NIPAL2: variants seen among roughly 807,000 people sequenced by gnomAD.
The protein encoded by NIPAL2 is NIPA like domain containing 2.
Under a neutral mutation model 48.9 loss-of-function variants are expected in NIPAL2, and 43 were observed. The ratio of observed to expected loss-of-function variants is 0.88; its 90% confidence interval spans 0.69 to 1.13. The LOEUF is 1.13. NIPAL2 is among the 50% of genes most tolerant of loss of function. NIPAL2 has a pLI of 0.00. For synonymous variants in NIPAL2, 167 were observed against 174.6 expected, an observed-to-expected ratio of 0.96 and a Z score of 0.34; for missense variants, 446 against 461.4, an observed-to-expected ratio of 0.97 and a Z score of 0.31.
intron 3 of NIPAL2, among the ~76,000 whole-genome samples, chr8:98,249,340 CAG>C (rs1275311384): frequency 6.6e-6 from 1 of 151,958 alleles, no homozygotes; most frequent in African/African-American, 2.4e-5. Flanking sequence ...GCAGGACACA[CAG>C]AGAGAGGGAA....
intron 1 of NIPAL2, among the ~76,000 whole-genome samples, chr8:98,276,751 C>A (rs1478333946): frequency 2.0e-5 from 3 of 151,082 alleles, no homozygotes; most frequent in Non-Finnish European, 4.4e-5. Context: ...TTACCCATTT[C>A]TTTCTTTCTT....
chr8:98,217,353 C>T (rs1811629948), intron 5 of NIPAL2: 32 of 286,268 alleles, frequency 1.1e-4, no homozygotes, highest in Non-Finnish European at 1.4e-4. Flanking sequence ...TATTATGATT[C>T]CTTTTGTGAG....
intron 1 of NIPAL2, among the ~76,000 whole-genome samples, chr8:98,279,280 A>C (rs1270183815): frequency 6.6e-6 from 1 of 152,204 alleles, no homozygotes; most frequent in Non-Finnish European, 1.5e-5. Context: ...CCATTACTAA[A>C]TACTGCTTCC....
intron 1 of NIPAL2, among the ~76,000 whole-genome samples, chr8:98,280,792 A>AGAGAGAGAGAGAGAGAGAGAGAGAG (rs1815783724): frequency 1.4e-5 from 2 of 139,478 alleles, no homozygotes; most frequent in South Asian, 2.3e-4. Flanking sequence ...AGAGAGAGAG[A>AGAGAGAGAGAGAGAGAGAGAGAGAG]AAGCGAGAGA....
chr8:98,198,027 A>T (rs1810628077), intron 8 of NIPAL2, among the ~76,000 whole-genome samples: 1 of 152,266 alleles, frequency 6.6e-6, no homozygotes, highest in South Asian at 2.1e-4. Context: ...AATCGGCAGA[A>T]TCATTATCTA....
intron 1 of NIPAL2, among the ~76,000 whole-genome samples, chr8:98,289,642 T>G (rs575398656): frequency 6.6e-6 from 1 of 152,090 alleles, no homozygotes; most frequent in Non-Finnish European, 1.5e-5. Context: ...CGAGCTACCA[T>G]GCTTGGCTTC....
At chr8:98,232,881 C>T (rs1275151195) in intron 4 of NIPAL2, among the ~76,000 whole-genome samples, 1 of 152,208 alleles carries the variant, frequency 6.6e-6, no homozygotes, top group Non-Finnish European at 1.5e-5. Context: ...ATTGTTCCTA[C>T]ATTCAAATGA....
intron 1 of NIPAL2, among the ~76,000 whole-genome samples, chr8:98,291,459 C>T (rs1352838978): frequency 6.6e-6 from 1 of 152,164 alleles, no homozygotes; most frequent in Non-Finnish European, 1.5e-5. Flanking sequence ...GCCAAATGCC[C>T]CTTTGCTCTG....
chr8:98,236,023 T>G, intron 4 of NIPAL2, 132 bp downstream of exon 4: 1 of 610,124 alleles, frequency 1.6e-6, no homozygotes, highest in South Asian at 1.9e-5. Context: ...GAATAATGCC[T>G]GACTCTAAAT....
At position 98,194,798 on chromosome 8, in the gene NIPAL2, T is replaced by C. The variant is rs763640709; in HGVS notation, c.969A>G (p.Val323=). 3.2e-6 allele frequency: 5 copies of C among 1,569,970 alleles called. No individual in the cohort carries two copies. In the South Asian group the frequency reaches 6.1e-5, roughly 19 times the overall value. ...TTTCTCGATTTCTTGTGACCAAAAA[T>C]ACACCAAGGAATGACAGAAAACACC... The part of the protein sequence containing the change: ...LFGCFLSFLG[V]FLVTRNREKE... Residue 323 remains valine (V), a synonymous_variant, in exon 10 of 11, where the codon GTA becomes GTG. Coordinates refer to ENST00000430223, the MANE Select transcript of NIPAL2 (RefSeq NM_001321635.2).
chr8:98,239,708 G>C (rs1174185977), intron 3 of NIPAL2, among the ~76,000 whole-genome samples: 2 of 151,878 alleles, frequency 1.3e-5, no homozygotes, highest in South Asian at 2.1e-4. Context: ...TTAGGTAATA[G>C]AACAAGATTT....
At chr8:98,230,209 G>A (rs1187704371) in intron 4 of NIPAL2, among the ~76,000 whole-genome samples, 1 of 152,192 alleles carries the variant, frequency 6.6e-6, no homozygotes, top group Non-Finnish European at 1.5e-5. Flanking sequence ...GCACCCCTAG[G>A]AGCTGTACAG....
intron 1 of NIPAL2, among the ~76,000 whole-genome samples, chr8:98,291,085 T>C (rs1816465600): frequency 6.6e-6 from 1 of 152,164 alleles, no homozygotes; most frequent in Admixed American, 6.5e-5. Context: ...TTTAATTTGC[T>C]TTGATTCCTG....
chr8:98,216,110 C>T (rs1157480236), intron 5 of NIPAL2, among the ~76,000 whole-genome samples: 1 of 152,198 alleles, frequency 6.6e-6, no homozygotes. Context: ...AACAAATGAG[C>T]TCTGCAAAGG....
chr8:98,259,032 ATCAAGACAGCATTATGCTGCTGT>A (rs1814092544), intron 1 of NIPAL2, among the ~76,000 whole-genome samples: 1 of 150,494 alleles, frequency 6.6e-6, no homozygotes, highest in South Asian at 2.1e-4. Context: ...ATAATTTTTC[ATCAAGACAGCATTATGCTGCTGT>A]TCCTTTAAAT....
Position 98,294,056 on chromosome 8 carries a change from C to T in NIPAL2, c.82G>A (p.Ala28Thr), listed in dbSNP as rs1366115579. 1.3e-6 allele frequency: 2 copies of T among 1,501,044 alleles called. No individual in the cohort carries two copies. The highest frequency in any genetic ancestry group is 1.8e-6 in the Non-Finnish European group (2 of 1,125,742). The allele number at this position is 1,501,044 out of a possible 1,614,324, so 93.0% of individuals were successfully genotyped here. A position where few individuals can be genotyped will look rare whatever the true frequency, so the allele number is the denominator to read the frequency against. ...DELSLNFTYG[A>T]PGAGNGSLSG... ...AGGGAGCCGTTGCCGGCGCCTGGTG[C>T]CCCGTACGTGAAATTCAGTGACAGC... The change falls in exon 1 of 11, where the codon GCA (alanine) becomes ACA (threonine). Residue 28 changes from alanine to threonine, a missense_variant. Physicochemically the swap from Ala to Thr is moderately conservative, Grantham distance 58. Transcript: ENST00000430223.
At chr8:98,221,503 A>C (rs1383197687) in intron 5 of NIPAL2, among the ~76,000 whole-genome samples, 3 of 152,144 alleles carry the variant, frequency 2.0e-5, no homozygotes, top group African/African-American at 2.4e-5. Flanking sequence ...AATGTAAATG[A>C]ATATGGAAAT....
At chr8:98,275,750 A>G (rs1165588354) in intron 1 of NIPAL2, among the ~76,000 whole-genome samples, 1 of 152,184 alleles carries the variant, frequency 6.6e-6, no homozygotes, top group Non-Finnish European at 1.5e-5. Flanking sequence ...CCACTAATTT[A>G]TCTGCATTCT....
Position 98,192,806 on chromosome 8 carries a change from G to T in NIPAL2, c.*172C>A. ...TCACATTCCATGGAAATATTAGACT[G>T]TCAGAGCTTAGGAAGTCCCCGATTG... On this transcript the variant is annotated 3_prime_UTR_variant, in exon 11 of 11. Transcript: ENST00000430223. The T allele has an allele frequency of 1.6e-6, 1 of 609,168 alleles. No individual in the cohort carries two copies. Among genetic ancestry groups the T allele is most frequent in the South Asian group, 2.0e-5 (1 of 50,398 alleles). The allele number at this position is 609,168 out of a possible 1,614,324, so 37.7% of individuals were successfully genotyped here. A position where few individuals can be genotyped will look rare whatever the true frequency, so the allele number is the denominator to read the frequency against.
Sources: allele counts gnomAD v4.1 joint callset (sites outside exome capture counted in the v4.1 genomes callset), GRCh38; gene constraint gnomAD v4.1.1; transcripts MANE v1.5; gene names NCBI Gene and HGNC (gene_info 2026-07-23, HGNC 2026-07-21).